PRICKLE2: variants seen among roughly 807,000 people sequenced by gnomAD.
The protein encoded by PRICKLE2 is prickle planar cell polarity protein 2, also known as prickle-like protein 2.
A neutral mutation model predicts 81.4 loss-of-function variants in PRICKLE2; 21 were observed. The ratio of observed to expected loss-of-function variants is 0.26; its 90% confidence interval spans 0.18 to 0.37. The LOEUF (loss-of-function observed/expected upper bound fraction) is 0.37. Among genes scored for constraint, PRICKLE2 ranks in the 10% least tolerant of loss-of-function variants. The pLI is 1.00. For synonymous variants in PRICKLE2, 456 were observed against 421.5 expected, an observed-to-expected ratio of 1.08 and a Z score of -1.00; for missense variants, 940 against 1,109.0, an observed-to-expected ratio of 0.85 and a Z score of 2.16.
At chr3:64,202,595 C>A (rs1480123256) in intron 1 of PRICKLE2, among the ~76,000 whole-genome samples, 1 of 151,726 alleles carries the variant, frequency 6.6e-6, no homozygotes, top group East Asian at 1.9e-4. Flanking sequence ...TTAAATCATA[C>A]AATCTTGCTA....
chr3:64,207,684 A>G (rs1364166420), intron 1 of PRICKLE2, among the ~76,000 whole-genome samples: 3 of 152,188 alleles, frequency 2.0e-5, no homozygotes, highest in Non-Finnish European at 2.9e-5. Flanking sequence ...TACATATAAC[A>G]TATACTTACG....
At chr3:64,253,186 C>T (rs562293190) in intron 2 of PRICKLE2, among the ~76,000 whole-genome samples, 3 of 152,256 alleles carry the variant, frequency 2.0e-5, no homozygotes, top group East Asian at 1.9e-4. Flanking sequence ...CTTTAATGTG[C>T]TTTATCTCAT....
intron 7 of PRICKLE2, chr3:64,146,397 A>T: frequency 1.0e-5 from 2 of 200,576 alleles, no homozygotes; most frequent in South Asian, 1.8e-4. Context: ...ACTTGGGTTT[A>T]CCTTCCTCAG....
chr3:64,213,425 C>T (rs924734203), intron 1 of PRICKLE2, among the ~76,000 whole-genome samples: 6 of 152,192 alleles, frequency 3.9e-5, no homozygotes, highest in Non-Finnish European at 8.8e-5. Flanking sequence ...ACAGGTTAGA[C>T]AGTAAATTAA....
chr3:64,113,639 G>A (rs1440996940), intron 7 of PRICKLE2, among the ~76,000 whole-genome samples: 1 of 152,092 alleles, frequency 6.6e-6, no homozygotes, highest in Non-Finnish European at 1.5e-5. Flanking sequence ...ACACTGGAGT[G>A]TAGTCTGCAC....
At chr3:64,128,144 G>T (rs2077139625) in intron 7 of PRICKLE2, among the ~76,000 whole-genome samples, 1 of 152,166 alleles carries the variant, frequency 6.6e-6, no homozygotes, top group Admixed American at 6.5e-5. Context: ...GTGGCAGGAG[G>T]AGTCACAGTG....
intron 2 of PRICKLE2, among the ~76,000 whole-genome samples, chr3:64,170,640 G>A (rs1254698973): frequency 2.6e-5 from 4 of 151,020 alleles, no homozygotes; most frequent in African/African-American, 9.8e-5. Context: ...GAGGATGATT[G>A]CTTGAGCCCA....
chr3:64,243,749 T>C (rs950602409), intron 2 of PRICKLE2, among the ~76,000 whole-genome samples: 1 of 152,206 alleles, frequency 6.6e-6, no homozygotes, highest in African/African-American at 2.4e-5. Context: ...AAAACGATGT[T>C]AGAAGATGAC....
At chr3:64,238,435 C>T (rs1429435154) in intron 2 of PRICKLE2, among the ~76,000 whole-genome samples, 8 of 149,636 alleles carry the variant, frequency 5.3e-5, no homozygotes, top group Non-Finnish European at 8.9e-5. Context: ...TGCAGTGAAC[C>T]GAGATCACGC....
rs562280035 is a variant in PRICKLE2 at position 64,198,750 on chromosome 3, C to T, written c.144+34G>A. ...GACCAGTAAGGCAAAGTGAAACACC[C>T]AAACCACCAGCATGCTCCCATCCAG... On this transcript the variant is annotated intron_variant, in intron 2 of 7. Transcript: ENST00000638394. 496 of 1,611,192 alleles carry T rather than the reference C, an allele frequency of 3.1e-4. 9 individuals are homozygous for T. The South Asian group carries it at 5.2e-3, about 17-fold the overall frequency.
intron 2 of PRICKLE2, among the ~76,000 whole-genome samples, chr3:64,263,852 C>G (rs900171412): frequency 1.3e-5 from 2 of 152,160 alleles, no homozygotes; most frequent in Non-Finnish European, 2.9e-5. Flanking sequence ...GAGCTGAACA[C>G]TCCTCAAGTT....
chr3:64,114,768 TG>T (rs2076908970), intron 7 of PRICKLE2, among the ~76,000 whole-genome samples: 1 of 152,002 alleles, frequency 6.6e-6, no homozygotes, highest in Non-Finnish European at 1.5e-5. Context: ...TTGAAAGAGA[TG>T]GGGAGAATGG....
intron 2 of PRICKLE2, chr3:64,174,670 T>G (rs2077990143): frequency 9.9e-6 from 2 of 202,672 alleles, no homozygotes; most frequent in African/African-American, 4.7e-5. Context: ...TGTTTGGTGC[T>G]TTTCTCCTAT....
chr3:64,143,843 A>C (rs998085516), intron 7 of PRICKLE2, among the ~76,000 whole-genome samples: 7 of 152,220 alleles, frequency 4.6e-5, no homozygotes, highest in Admixed American at 4.6e-4. Context: ...ATAGCACATA[A>C]ATCTTTCGAG....
chr3:64,130,604 C>A (rs1266287298), intron 7 of PRICKLE2, among the ~76,000 whole-genome samples: 1 of 152,172 alleles, frequency 6.6e-6, no homozygotes, highest in Admixed American at 6.5e-5. Context: ...CATGTACACC[C>A]AGAACCAAAC....
At chr3:64,251,324 C>G (rs1486561666) in intron 2 of PRICKLE2, among the ~76,000 whole-genome samples, 4 of 152,204 alleles carry the variant, frequency 2.6e-5, no homozygotes, top group Non-Finnish European at 5.9e-5. Flanking sequence ...AGGAGAGCAT[C>G]TGAGTGTCAA....
intron 2 of PRICKLE2, among the ~76,000 whole-genome samples, chr3:64,189,724 G>C (rs942196645): frequency 1.3e-5 from 2 of 152,210 alleles, no homozygotes; most frequent in Non-Finnish European, 2.9e-5. Context: ...ACTGAGCATA[G>C]AGTGGTGAAT....
chr3:64,112,362 C>T (rs952885350), intron 7 of PRICKLE2, among the ~76,000 whole-genome samples: 3 of 152,178 alleles, frequency 2.0e-5, no homozygotes, highest in African/African-American at 7.2e-5. Context: ...ATCTTTGCTT[C>T]TCAAGATCTC....
intron 7 of PRICKLE2, among the ~76,000 whole-genome samples, chr3:64,137,363 C>T (rs372737748): frequency 5.3e-4 from 80 of 152,260 alleles, no homozygotes; most frequent in African/African-American, 1.4e-3. Context: ...CGACACACCA[C>T]GCCCCAACCC....
Sources: gnomAD v4.1 joint callset for allele counts (sites outside exome capture counted in the v4.1 genomes callset) on GRCh38, gnomAD v4.1.1 for gene constraint, MANE v1.5 for transcripts, NCBI Gene and HGNC (gene_info 2026-07-23, HGNC 2026-07-21) for gene names.